The following FUCA2 variants were observed in gnomAD, a reference collection of about 807,000 sequenced individuals.
The protein encoded by FUCA2 is alpha-L-fucosidase 2.
In FUCA2, 41 loss-of-function variants were observed where a neutral mutation model predicts 52.6. The ratio of observed to expected loss-of-function variants is 0.78; its 90% CI spans 0.61 to 1.01. The LOEUF is 1.01. Ranked by LOEUF, FUCA2 falls within the 50% of genes least tolerant of loss-of-function variation. FUCA2 has a pLI of 0.00. For synonymous variants in FUCA2, 211 were observed against 217.3 expected, an observed-to-expected ratio of 0.97 and a Z score of 0.26; for missense variants, 507 against 569.5, an observed-to-expected ratio of 0.89 and a Z score of 1.12.
Position 143,511,309 on chromosome 6 carries a change from T to C in FUCA2, c.224+102A>G. On this transcript the variant is annotated intron_variant, in intron 1 of 6. Coordinates refer to ENST00000002165, the MANE Select transcript of FUCA2 (RefSeq NM_032020.5). The surrounding 1 kb of genome is among the most constrained non-coding windows in gnomAD (Gnocchi z 6.3). ...CAGTGGGAGGTGAAACCGACGAGGG[T>C]GCAGGCAGCACCAGGCGGCGAACCA... 1 of 1,079,510 alleles carries C rather than the reference T, an allele frequency of 9.3e-7. No homozygotes were observed. Among genetic ancestry groups the C allele is most frequent in the Non-Finnish European group, 1.3e-6 (1 of 762,926 alleles). The allele number at this position is 1,079,510 out of a possible 1,614,324, so 66.9% of individuals were successfully genotyped here. A position where few individuals can be genotyped will look rare whatever the true frequency, so the allele number is the denominator to read the frequency against.
chr6:143,507,024 C>G lies in FUCA2; in HGVS notation c.412+213G>C. On this transcript the variant is annotated intron_variant, in intron 2 of 6. Transcript: ENST00000002165. The surrounding 1 kb of genome is among the most constrained non-coding windows in gnomAD (Gnocchi z 4.5). The stretch of plus-strand genomic sequence containing the variant: ...CATGTGACAAAACGTGACCATCTTT[C>G]CTCTGTTACGTGGCGGGTATGATCC... The G allele has an allele frequency of 2.0e-6, 1 of 495,352 alleles. No homozygotes were observed. The highest frequency in any genetic ancestry group is 3.5e-6 in the Non-Finnish European group (1 of 286,558). The allele number at this position is 495,352 out of a possible 1,614,324, so 30.7% of individuals were successfully genotyped here. A position where few individuals can be genotyped will look rare whatever the true frequency, so the allele number is the denominator to read the frequency against.
rs1366557528 is a variant in FUCA2 at position 143,495,026 on chromosome 6, A to T, written c.*681T>A. The T allele has an allele frequency of 1.3e-5, 2 of 152,860 alleles. No homozygotes were observed. Among genetic ancestry groups the T allele is most frequent in the African/African-American group, 4.8e-5 (2 of 41,426 alleles). 9.5% of individuals were successfully genotyped at this position (152,860 alleles called of 1,614,324 possible). A position where few individuals can be genotyped will look rare whatever the true frequency, so the allele number is the denominator to read the frequency against. The stretch of plus-strand genomic sequence containing the variant: ...AATAATGTCCTAGGCCTTCACATTC[A>T]CTCACTGACTCACCCAGAGCAACTT... On this transcript the variant is annotated 3_prime_UTR_variant, in exon 7 of 7. Transcript: ENST00000002165. This position sits in a 1 kb window ranked among gnomAD's most constrained non-coding sequence, Gnocchi z 5.2.
Position 143,503,900 on chromosome 6 carries a change from A to G in FUCA2, c.752+13T>C. The G allele has an allele frequency of 6.3e-7, 1 of 1,583,192 alleles. No homozygotes were observed. Among genetic ancestry groups the G allele is most frequent in the Non-Finnish European group, 8.6e-7 (1 of 1,158,688 alleles). On this transcript the variant is annotated intron_variant, in intron 3 of 6. Transcript: ENST00000002165. This position sits in a 1 kb window ranked among gnomAD's most constrained non-coding sequence, Gnocchi z 4.8. ...TATGGAGGGTAACTGCAGCAATCTCATAGCATACACACCTTTCATTATATA... is the reference window on the plus strand; with the variant it reads ...TATGGAGGGTAACTGCAGCAATCTCGTAGCATACACACCTTTCATTATATA...
chr6:143,498,533 G>T (rs1584025366), intron 5 of FUCA2, among the ~76,000 whole-genome samples: 1 of 152,330 alleles, frequency 6.6e-6, no homozygotes, highest in South Asian at 2.1e-4. Flanking sequence ...CTTCCAGACA[G>T]AATGACAAGT....
chr6:143,511,303 C>T lies in FUCA2; in HGVS notation c.224+108G>A. 2 of 1,002,924 alleles carry T rather than the reference C, an allele frequency of 2.0e-6. No homozygotes were observed. The highest frequency in any genetic ancestry group is 2.8e-6 in the Non-Finnish European group (2 of 704,202). The allele number at this position is 1,002,924 out of a possible 1,614,324, so 62.1% of individuals were successfully genotyped here. On this transcript the variant is annotated intron_variant, in intron 1 of 6. Coordinates refer to ENST00000002165, the MANE Select transcript of FUCA2 (RefSeq NM_032020.5). This position sits in a 1 kb window ranked among gnomAD's most constrained non-coding sequence, Gnocchi z 6.3. ...GTAACGCAGTGGGAGGTGAAACCGA[C>T]GAGGGTGCAGGCAGCACCAGGCGGC...
rs113870424 is a variant in FUCA2, at chr6:143,507,946, G to A, written c.225-522C>T. 4.3e-3 allele frequency among the ~76,000 whole-genome samples: 651 copies of A among 152,278 alleles called. 4 individuals carry two copies. Among genetic ancestry groups the A allele is most frequent in the African/African-American group, 0.015 (610 of 41,538 alleles). ...AGTCTCCCGAAGTGTTAGGATTACA[G>A]GCATGAGTCACCGTGTCCAGCCCCA... On this transcript the variant is annotated intron_variant, in intron 1 of 6. Transcript: ENST00000002165. The surrounding 1 kb of genome is among the most constrained non-coding windows in gnomAD (Gnocchi z 4.5).
chr6:143,496,766 G>A (rs1277504689), intron 6 of FUCA2: 2 of 152,194 alleles, frequency 1.3e-5, no homozygotes, highest in Non-Finnish European at 2.9e-5. Flanking sequence ...TGGGGTGTCA[G>A]GGAAAGCATC....
intron 2 of FUCA2, chr6:143,505,658 G>C (rs1248446924): frequency 6.6e-6 from 1 of 152,108 alleles, no homozygotes; most frequent in Non-Finnish European, 1.5e-5. Flanking sequence ...GCTCACTCTT[G>C]TTCCTATCAT....
rs1780678998 is a variant in FUCA2 at position 143,511,275 on chromosome 6, CG to C, written c.224+135del. The stretch of plus-strand genomic sequence containing the variant: ...ATTCGACACCCGGAAGTGCGAAACG[CG>C]GGTAACGCAGTGGGAGGTGAAACCG... On this transcript the variant is annotated intron_variant, in intron 1 of 6. Transcript: ENST00000002165. This position sits in a 1 kb window ranked among gnomAD's most constrained non-coding sequence, Gnocchi z 6.3. 1.4e-6 allele frequency: 1 copy of C among 704,036 alleles called. No individual in the cohort carries two copies. The highest frequency in any genetic ancestry group is 3.3e-5 in the Admixed American group (1 of 30,148). 43.6% of individuals were successfully genotyped at this position (704,036 alleles called of 1,614,324 possible).
chr6:143,504,468 C>T lies in FUCA2; in HGVS notation c.413-216G>A. ...AGGTGAGACAGGTTTTTAAAAGCAA[C>T]TTTCAGGGTATATCACTGTACGGTC... On this transcript the variant is annotated intron_variant, in intron 2 of 6. Transcript: ENST00000002165. The surrounding 1 kb of genome is among the most constrained non-coding windows in gnomAD (Gnocchi z 4.4). 1 of 551,488 alleles carries T rather than the reference C, an allele frequency of 1.8e-6. No individual in the cohort carries two copies. Among genetic ancestry groups the T allele is most frequent in the Admixed American group, 3.2e-5 (1 of 31,406 alleles). 34.2% of individuals were successfully genotyped at this position (551,488 alleles called of 1,614,324 possible).
chr6:143,496,416 C>T (rs532375053), intron 6 of FUCA2: 18 of 152,078 alleles, frequency 1.2e-4, no homozygotes, highest in African/African-American at 3.9e-4. Flanking sequence ...TTAATTGGCA[C>T]CAAAAAGAAC....
In FUCA2 at chr6:143,501,948, C is replaced by T. The variant is rs114441124; in HGVS notation, c.1138G>A (p.Val380Ile). 3.9e-4 allele frequency: 628 copies of T among 1,613,456 alleles called. 1 individual carries two copies. The African/African-American group carries it at 7.0e-3, about 18-fold the overall frequency. The change falls in exon 5 of 7, where the codon GTC becomes ATC. Residue 380 changes from valine to isoleucine, a missense_variant. Transcript: ENST00000002165. This position sits in a 1 kb window ranked among gnomAD's most constrained non-coding sequence, Gnocchi z 6.1. ...THTWRSQNDT[V>I]TPDVWYTSKP... Reference sequence around the variant, plus strand: ...ATGACTTACCACACATCTGGGGTGACAGTGTCATTCTGGGATCGCCAGGTA... The same window carrying T: ...ATGACTTACCACACATCTGGGGTGATAGTGTCATTCTGGGATCGCCAGGTA...
At position 143,511,119 on chromosome 6, in the gene FUCA2, G is replaced by A. The variant is rs534971308; in HGVS notation, c.224+292C>T. Among the ~76,000 whole-genome samples the A allele has an allele frequency of 6.6e-6, 1 of 152,282 alleles. No individual in the cohort carries two copies. Among genetic ancestry groups the A allele is most frequent in the African/African-American group, 2.4e-5 (1 of 41,548 alleles). On this transcript the variant is annotated intron_variant, in intron 1 of 6. Transcript: ENST00000002165. The surrounding 1 kb of genome is among the most constrained non-coding windows in gnomAD (Gnocchi z 6.3). ...GTCTGTAGTAGCTCGATGTTGTAGT[G>A]TCATAACTACAGCTTAATATGCGCA... is the stretch of plus-strand genomic sequence containing the variant.
Position 143,511,433 on chromosome 6 carries a change from T to C in FUCA2, c.202A>G (p.Ser68Gly). 2.5e-6 allele frequency: 4 copies of C among 1,611,840 alleles called. No homozygotes were observed. The highest frequency in any genetic ancestry group is 4.5e-5 in the East Asian group (2 of 44,784). ...FIHWGVFSVP[S>G]FGSEWFWWYW... Reference sequence around the variant, plus strand: ...CACCAGAACCACTCGCTACCGAAGCTGGGCACGGAAAACACTCCCCAGTGG... The same window carrying C: ...CACCAGAACCACTCGCTACCGAAGCCGGGCACGGAAAACACTCCCCAGTGG... The change falls in exon 1 of 7, where the codon AGC becomes GGC. Residue 68 changes from serine (S) to glycine (G), a missense_variant. Transcript: ENST00000002165. The surrounding 1 kb of genome is among the most constrained non-coding windows in gnomAD (Gnocchi z 6.3).
intron 1 of FUCA2, among the ~76,000 whole-genome samples, chr6:143,508,934 G>A (rs997536145): frequency 4.6e-5 from 7 of 152,158 alleles, no homozygotes; most frequent in African/African-American, 1.7e-4. Context: ...CCATTACCCA[G>A]TTTGGAGTGC....
At position 143,511,237 on chromosome 6, in the gene FUCA2, C is replaced by A. The variant is rs1324350261; in HGVS notation, c.224+174G>T. On this transcript the variant is annotated intron_variant, in intron 1 of 6. Coordinates refer to ENST00000002165, the MANE Select transcript of FUCA2 (RefSeq NM_032020.5). This position sits in a 1 kb window ranked among gnomAD's most constrained non-coding sequence, Gnocchi z 6.3. ...TGTTCATCCAGCAGAAGCACTTAGG[C>A]AGGAAACCACATATTCGACACCCGG... Among the ~76,000 whole-genome samples the A allele has an allele frequency of 1.3e-5, 2 of 152,142 alleles. No individual in the cohort carries two copies. Among genetic ancestry groups the A allele is most frequent in the Non-Finnish European group, 2.9e-5 (2 of 68,032 alleles).
Position 143,510,978 on chromosome 6 carries a change from T to C in FUCA2, c.224+433A>G, listed in dbSNP as rs139521162. On this transcript the variant is annotated intron_variant, in intron 1 of 6. Coordinates refer to ENST00000002165, the MANE Select transcript of FUCA2 (RefSeq NM_032020.5). The surrounding 1 kb of genome is among the most constrained non-coding windows in gnomAD (Gnocchi z 4.4). ...GTCGTTTCACATACTCATGACTATG[T>C]TTTAACCATAACTTCATGGCAGAAC... Among the ~76,000 whole-genome samples the C allele has an allele frequency of 2.2e-4, 34 of 152,252 alleles. No individual in the cohort carries two copies. Among genetic ancestry groups the C allele is most frequent in the Middle Eastern group, 6.8e-3 (2 of 294 alleles).
At position 143,501,873 on chromosome 6, in the gene FUCA2, CT is replaced by C. The variant is rs1276108170; in HGVS notation, c.1154+58del. The C allele has an allele frequency of 7.0e-7, 1 of 1,436,968 alleles. No homozygotes were observed. The highest frequency in any genetic ancestry group is 9.6e-7 in the Non-Finnish European group (1 of 1,046,986). 89.0% of individuals were successfully genotyped at this position (1,436,968 alleles called of 1,614,324 possible). On this transcript the variant is annotated intron_variant, in intron 5 of 6. Transcript: ENST00000002165. The surrounding 1 kb of genome is among the most constrained non-coding windows in gnomAD (Gnocchi z 6.1). ...TTTTATCCTACTCTTCTTTATATGT[CT>C]GATAAATTTTAAATCTCTTCCTTTA...
At position 143,499,525 on chromosome 6, in the gene FUCA2, A is replaced by C. The variant is rs78100283; in HGVS notation, c.1155-2028T>G. 6.6e-6 allele frequency among the ~76,000 whole-genome samples: 1 copy of C among 152,116 alleles called. No homozygotes were observed. On this transcript the variant is annotated intron_variant, in intron 5 of 6. Coordinates refer to ENST00000002165, the MANE Select transcript of FUCA2 (RefSeq NM_032020.5). This position sits in a 1 kb window ranked among gnomAD's most constrained non-coding sequence, Gnocchi z 6.0. ...GAGCCAAGATCGCACCAGTGCACTCAAAAAAAGATAGAGAAGAATGGAAGT... is the reference window on the plus strand; with the variant it reads ...GAGCCAAGATCGCACCAGTGCACTCCAAAAAAGATAGAGAAGAATGGAAGT...
Sources: allele counts gnomAD v4.1 joint callset (sites outside exome capture counted in the v4.1 genomes callset), GRCh38; gene constraint gnomAD v4.1.1; non-coding constraint Gnocchi (gnomAD v3.1); transcripts MANE v1.5; gene names NCBI Gene and HGNC (gene_info 2026-07-23, HGNC 2026-07-21).